The following CELSR3 variants were observed in gnomAD, a reference collection of about 807,000 sequenced individuals.
CELSR3 encodes EGF-like protein 1.
A neutral mutation model predicts 270.0 loss-of-function variants in CELSR3; 73 were observed. That is an observed-to-expected ratio of 0.27 (90% CI 0.22 to 0.33). The LOEUF is 0.33. CELSR3 is among the 10% of genes least tolerant of loss of function. CELSR3 has a pLI of 1.00. For synonymous variants in CELSR3, 1,780 were observed against 1,905.4 expected (o/e 0.93, Z 1.71); for missense variants, 3,614 against 4,533.8 (o/e 0.80, Z 5.83).
In CELSR3 at chr3:48,641,586, A is replaced by T; in HGVS notation, c.8825-62T>A. 8.2e-7 allele frequency: 1 copy of T among 1,225,528 alleles called. No individual in the cohort carries two copies. Among genetic ancestry groups the T allele is most frequent in the Non-Finnish European group, 1.2e-6 (1 of 846,060 alleles). 75.9% of individuals were successfully genotyped at this position (1,225,528 alleles called of 1,614,324 possible). On this transcript the variant is annotated intron_variant, in intron 32 of 34. Transcript: ENST00000164024. The surrounding 1 kb of genome is among the most constrained non-coding windows in gnomAD (Gnocchi z 4.8). ...TGATCCCAGTGACTCATGACCCCTG[A>T]CCCTAATGACCCTTGAAACCCTGGC...
rs184965992 is a variant in CELSR3, at chr3:48,644,936, A to G, written c.7972+99T>C. On this transcript the variant is annotated intron_variant, in intron 25 of 34. Coordinates refer to ENST00000164024, the MANE Select transcript of CELSR3 (RefSeq NM_001407.3). This position sits in a 1 kb window ranked among gnomAD's most constrained non-coding sequence, Gnocchi z 4.8. The stretch of plus-strand genomic sequence containing the variant: ...GGCAGAGCAGCAACCCCATGAATAG[A>G]TGGCTTGGGGTTTGAGGTTGGGGGT... The G allele has an allele frequency of 1.1e-4, 170 of 1,514,362 alleles. 1 individual carries two copies. Among genetic ancestry groups the G allele is most frequent in the African/African-American group, 7.1e-4 (52 of 73,134 alleles). The allele number at this position is 1,514,362 out of a possible 1,614,324, so 93.8% of individuals were successfully genotyped here.
chr3:48,656,607 C>T, intron 2 of CELSR3, 91 bp downstream of exon 2: 1 of 1,404,510 alleles, frequency 7.1e-7, no homozygotes, highest in Non-Finnish European at 9.3e-7. Flanking sequence ...GCCGTGGCCT[C>T]AGAAGTGACT....
In CELSR3 at chr3:48,646,777, T is replaced by G; in HGVS notation, c.7281A>C (p.Glu2427Asp). The change falls in exon 21 of 35, where the codon GAA becomes GAC. Residue 2427 changes from glutamate (E) to aspartate (D), a missense_variant. Coordinates refer to ENST00000164024, the MANE Select transcript of CELSR3 (RefSeq NM_001407.3). The surrounding 1 kb of genome is among the most constrained non-coding windows in gnomAD (Gnocchi z 4.8). ...GGLLPAQFQAERRGARLPQNP... is the reference protein window; with the variant it reads ...GGLLPAQFQADRRGARLPQNP... The stretch of plus-strand genomic sequence containing the variant: ...GGCCTGAGTACCTGGCACCTCGGCG[T>G]TCTGCCTGGAACTGGGCAGGGAGCA... 1 of 1,609,380 alleles carries G rather than the reference T, an allele frequency of 6.2e-7. No homozygotes were observed. Among genetic ancestry groups the G allele is most frequent in the Non-Finnish European group, 8.5e-7 (1 of 1,178,580 alleles).
rs1198710346 is a variant in CELSR3 at position 48,655,216 on chromosome 3, A to G, written c.4831-15T>C. On this transcript the variant is annotated splice_polypyrimidine_tract_variant and intron_variant, in intron 5 of 34. Coordinates refer to ENST00000164024, the MANE Select transcript of CELSR3 (RefSeq NM_001407.3). This position sits in a 1 kb window ranked among gnomAD's most constrained non-coding sequence, Gnocchi z 5.8. The stretch of plus-strand genomic sequence containing the variant: ...TCTGTCCGGGGCTGAAGACGCAGGC[A>G]CACCAGTCAACAGTGCCCCCAGTAA... 1 of 1,614,002 alleles carries G rather than the reference A, an allele frequency of 6.2e-7. No individual in the cohort carries two copies. The highest frequency in any genetic ancestry group is 1.7e-5 in the Admixed American group (1 of 60,014).
chr3:48,661,546 C>T lies in CELSR3; in HGVS notation c.1089G>A (p.Ser363=), dbSNP rs769619596. 1.2e-6 allele frequency: 2 copies of T among 1,607,034 alleles called. No individual in the cohort carries two copies. Among genetic ancestry groups the T allele is most frequent in the East Asian group, 4.5e-5 (2 of 44,820 alleles). Residue 363 remains serine, a synonymous_variant, in exon 1 of 35, where the codon TCG becomes TCA. Coordinates refer to ENST00000164024, the MANE Select transcript of CELSR3 (RefSeq NM_001407.3). ...DAGEAGRLVY[S]LAALMNSRSL... ...AGCGGCTGTTCATGAGTGCCGCCAG[C>T]GAGTAGACTAGGCGCCCGGCCTCGC...
chr3:48,653,741 T>C lies in CELSR3; in HGVS notation c.5326A>G (p.Asn1776Asp). ...GACACAGCCATGTCACTTCCAAAGT[T>C]CCAGCTCAGTGTGCCGTTGCCACGG... ...HFRGNGTLSWNFGSDMAVSVP... is the reference protein window; with the variant it reads ...HFRGNGTLSWDFGSDMAVSVP... The change falls in exon 9 of 35, where the codon AAC (asparagine) becomes GAC (aspartate). Residue 1776 changes from asparagine to aspartate, a missense_variant. This residue lies in a region of CELSR3 where 1,331 missense variants were observed against 1,933.7 expected (regional missense o/e 0.69). Coordinates refer to ENST00000164024, the MANE Select transcript of CELSR3 (RefSeq NM_001407.3). This position sits in a 1 kb window ranked among gnomAD's most constrained non-coding sequence, Gnocchi z 6.5. 3 of 1,614,152 alleles carry C rather than the reference T, an allele frequency of 1.9e-6. No homozygotes were observed. Among genetic ancestry groups the C allele is most frequent in the Non-Finnish European group, 2.5e-6 (3 of 1,180,030 alleles).
intron 18 of CELSR3, 107 bp downstream of exon 18, chr3:48,648,612 G>A (rs1261728808): frequency 7.0e-7 from 1 of 1,421,738 alleles, no homozygotes; most frequent in South Asian, 1.3e-5. Flanking sequence ...GGAGAGCCCA[G>A]GACCTTCACT....
chr3:48,644,608 C>G lies in CELSR3; in HGVS notation c.8085+108G>C, dbSNP rs2047062353. 2.3e-6 allele frequency: 2 copies of G among 864,224 alleles called. No individual in the cohort carries two copies. The highest frequency in any genetic ancestry group is 4.5e-5 in the Admixed American group (2 of 44,208). The allele number at this position is 864,224 out of a possible 1,614,324, so 53.5% of individuals were successfully genotyped here. On this transcript the variant is annotated intron_variant, in intron 26 of 34. Transcript: ENST00000164024. This position sits in a 1 kb window ranked among gnomAD's most constrained non-coding sequence, Gnocchi z 4.8. ...GGACAGAAAAAATGAAGGCCGAGCC[C>G]AGGAAGCCTGCAGAATGCCACCTGA...
chr3:48,655,915 C>T lies in CELSR3; in HGVS notation c.4626-64G>A, dbSNP rs113186423. On this transcript the variant is annotated intron_variant, in intron 3 of 34. Coordinates refer to ENST00000164024, the MANE Select transcript of CELSR3 (RefSeq NM_001407.3). The surrounding 1 kb of genome is among the most constrained non-coding windows in gnomAD (Gnocchi z 5.8). ...CAGGAGCAGGGTACCACTTCACACC[C>T]ACCATCCCTGCGAGGAGAAGGGGCT... 3 of 1,327,650 alleles carry T rather than the reference C, an allele frequency of 2.3e-6. No homozygotes were observed. The highest frequency in any genetic ancestry group is 2.1e-6 in the Non-Finnish European group (2 of 945,624). The allele number at this position is 1,327,650 out of a possible 1,614,324, so 82.2% of individuals were successfully genotyped here.
At position 48,650,380 on chromosome 3, in the gene CELSR3, A is replaced by T; in HGVS notation, c.6472+100T>A. ...TCCCACCCCACTTCCACCTCTTTGC[A>T]GGAACAAAGCCACCCAATTTAGGAA... On this transcript the variant is annotated intron_variant, in intron 16 of 34. Coordinates refer to ENST00000164024, the MANE Select transcript of CELSR3 (RefSeq NM_001407.3). This position sits in a 1 kb window ranked among gnomAD's most constrained non-coding sequence, Gnocchi z 5.1. The T allele has an allele frequency of 1.1e-6, 1 of 948,798 alleles. No individual in the cohort carries two copies. The highest frequency in any genetic ancestry group is 1.7e-6 in the Non-Finnish European group (1 of 599,778). 58.8% of individuals were successfully genotyped at this position (948,798 alleles called of 1,614,324 possible). A position where few individuals can be genotyped will look rare whatever the true frequency, so the allele number is the denominator to read the frequency against.
In CELSR3 at chr3:48,640,066, G is replaced by A; in HGVS notation, c.9519C>T (p.Pro3173=). 1 of 1,610,670 alleles carries A rather than the reference G, an allele frequency of 6.2e-7. No individual in the cohort carries two copies. The highest frequency in any genetic ancestry group is 8.5e-7 in the Non-Finnish European group (1 of 1,179,704). ...RDLDPQPPPL[P]LSPQRQLSRD... ...TTGAGAGTTGCCGCTGGGGAGACAG[G>A]GGCAGAGGTGGGGGCTGTGGGTCAA... Residue 3173 remains proline, a synonymous_variant, in exon 34 of 35, where the codon CCC becomes CCT. Transcript: ENST00000164024. This position sits in a 1 kb window ranked among gnomAD's most constrained non-coding sequence, Gnocchi z 7.5.
In CELSR3 at chr3:48,656,847, G is replaced by A; in HGVS notation, c.4250C>T (p.Ala1417Val). The change falls in exon 2 of 35, where the codon GCT becomes GTT. Residue 1417 changes from alanine to valine, a missense_variant. Ala to Val is a moderately conservative substitution (Grantham distance 64). Transcript: ENST00000164024. ...GGGCGGGCAGCGGCAGCGCAGGCCAGCGATGGGCTGGATGGGTCGGAACAG... is the reference window on the plus strand; with the variant it reads ...GGGCGGGCAGCGGCAGCGCAGGCCAACGATGGGCTGGATGGGTCGGAACAG... Reference protein sequence around the residue: ...STLFRPIQPIAGLRCRCPPGF... With the variant: ...STLFRPIQPIVGLRCRCPPGF... 1 of 1,609,280 alleles carries A rather than the reference G, an allele frequency of 6.2e-7. No individual in the cohort carries two copies. Among genetic ancestry groups the A allele is most frequent in the Non-Finnish European group, 8.5e-7 (1 of 1,177,750 alleles).
chr3:48,641,519 C>A lies in CELSR3; in HGVS notation c.8830G>T (p.Asp2944Tyr). 6.2e-7 allele frequency: 1 copy of A among 1,610,978 alleles called. No homozygotes were observed. Among genetic ancestry groups the A allele is most frequent in the East Asian group, 2.2e-5 (1 of 44,864 alleles). Residue 2944 changes from aspartate (D) to tyrosine (Y), a missense_variant, in exon 33 of 35, where the codon GAT (aspartate) becomes TAT (tyrosine). Physicochemically the swap from Asp to Tyr is radical, Grantham distance 160. Transcript: ENST00000164024. This position sits in a 1 kb window ranked among gnomAD's most constrained non-coding sequence, Gnocchi z 4.8. ...ERLLTHPKDV[D>Y]GNDLLSYWPA... Reference sequence around the variant, plus strand: ...CAGTAGGACAGGAGGTCATTGCCATCCACATCTGTGGAGCCAGGTCAGGTT... The same window carrying A: ...CAGTAGGACAGGAGGTCATTGCCATACACATCTGTGGAGCCAGGTCAGGTT...
chr3:48,650,520 A>G lies in CELSR3; in HGVS notation c.6432T>C (p.Phe2144=). ...GACAGGGCACTGTGGCCAGGACGCCAAACTTTGTCTGGGGCCACCACACAC... is the reference window on the plus strand; with the variant it reads ...GACAGGGCACTGTGGCCAGGACGCCGAACTTTGTCTGGGGCCACCACACAC... ...RSGVWWPQTK[F]GVLATVPCPR... The change falls in exon 16 of 35, where the codon TTT becomes TTC. Residue 2144 remains phenylalanine (F), a synonymous_variant. Transcript: ENST00000164024. This position sits in a 1 kb window ranked among gnomAD's most constrained non-coding sequence, Gnocchi z 5.1. 1 of 1,548,596 alleles carries G rather than the reference A, an allele frequency of 6.5e-7. No homozygotes were observed. The highest frequency in any genetic ancestry group is 8.7e-7 in the Non-Finnish European group (1 of 1,143,558).
chr3:48,645,220 G>C lies in CELSR3; in HGVS notation c.7798-11C>G, dbSNP rs755796273. 1.9e-6 allele frequency: 3 copies of C among 1,563,854 alleles called. No individual in the cohort carries two copies. The Admixed American group carries it at 5.2e-5, about 27-fold the overall frequency. On this transcript the variant is annotated splice_polypyrimidine_tract_variant and intron_variant, in intron 24 of 34. Coordinates refer to ENST00000164024, the MANE Select transcript of CELSR3 (RefSeq NM_001407.3). This position sits in a 1 kb window ranked among gnomAD's most constrained non-coding sequence, Gnocchi z 5.4. ...TGCAGTGCACACCAGCTGAGGGCAG[G>C]GGGGCGTGTCAGGACCTCTCCTGCC...
In CELSR3 at chr3:48,662,640, G is replaced by A. The variant is rs1253529171; in HGVS notation, c.-6C>T. ...GGCGGCCGCCTCGCCATCATCCCCC[G>A]CCTCCCTGCACGGCCTCCACCGCCC... On this transcript the variant is annotated 5_prime_UTR_variant, in exon 1 of 35. Coordinates refer to ENST00000164024, the MANE Select transcript of CELSR3 (RefSeq NM_001407.3). This position sits in a 1 kb window ranked among gnomAD's most constrained non-coding sequence, Gnocchi z 7.1. 7 of 1,316,510 alleles carry A rather than the reference G, an allele frequency of 5.3e-6. No individual in the cohort carries two copies. The highest frequency in any genetic ancestry group is 7.0e-6 in the Non-Finnish European group (7 of 1,000,076). 81.6% of individuals were successfully genotyped at this position (1,316,510 alleles called of 1,614,324 possible).
chr3:48,644,946 G>A lies in CELSR3; in HGVS notation c.7972+89C>T. On this transcript the variant is annotated intron_variant, in intron 25 of 34. Transcript: ENST00000164024. The surrounding 1 kb of genome is among the most constrained non-coding windows in gnomAD (Gnocchi z 4.8). ...CAACCCCATGAATAGATGGCTTGGG[G>A]TTTGAGGTTGGGGGTCATGAGCAGG... 6.5e-7 allele frequency: 1 copy of A among 1,532,044 alleles called. No homozygotes were observed. The highest frequency in any genetic ancestry group is 1.2e-5 in the South Asian group (1 of 83,232). The allele number at this position is 1,532,044 out of a possible 1,614,324, so 94.9% of individuals were successfully genotyped here.
chr3:48,644,734 A>T lies in CELSR3; in HGVS notation c.8067T>A (p.Pro2689=). The T allele has an allele frequency of 5.0e-6, 8 of 1,613,348 alleles. No individual in the cohort carries two copies. Among genetic ancestry groups the T allele is most frequent in the Non-Finnish European group, 6.8e-6 (8 of 1,179,796 alleles). Residue 2689 remains proline, a synonymous_variant, in exon 26 of 35, where the codon CCT becomes CCA. Coordinates refer to ENST00000164024, the MANE Select transcript of CELSR3 (RefSeq NM_001407.3). The surrounding 1 kb of genome is among the most constrained non-coding windows in gnomAD (Gnocchi z 4.8). ...CACTCACCACTATGACCAGGACAACAGGGCCAGCAAAGCTCCAGATGAGGG... is the reference window on the plus strand; with the variant it reads ...CACTCACCACTATGACCAGGACAACTGGGCCAGCAAAGCTCCAGATGAGGG... ...HEPLIWSFAG[P]VVLVIVMNGT...
Position 48,643,420 on chromosome 3 carries a change from G to A in CELSR3, c.8289+134C>T, listed in dbSNP as rs189359029. On this transcript the variant is annotated intron_variant, in intron 28 of 34. Transcript: ENST00000164024. ...AGCAGCTAGGGCCAGTGTCTGGTCT[G>A]GGGTAGTACCCAGCCTGGCAAAGTT... is the stretch of plus-strand genomic sequence containing the variant. 8 of 1,249,298 alleles carry A rather than the reference G, an allele frequency of 6.4e-6. No homozygotes were observed. In the East Asian group the frequency reaches 1.8e-4, roughly 28 times the overall value. The allele number at this position is 1,249,298 out of a possible 1,614,324, so 77.4% of individuals were successfully genotyped here. A position where few individuals can be genotyped will look rare whatever the true frequency, so the allele number is the denominator to read the frequency against.
Sources: gnomAD v4.1 joint callset for allele counts on GRCh38, gnomAD v4.1.1 for gene constraint, gnomAD v4.1.1 regional missense constraint, Gnocchi (gnomAD v3.1) non-coding constraint, MANE v1.5 for transcripts, NCBI Gene and HGNC (gene_info 2026-07-23, HGNC 2026-07-21) for gene names.